The following RABGAP1L variants were observed in gnomAD, a reference collection of about 807,000 sequenced individuals.
The protein encoded by RABGAP1L is RAB GTPase activating protein 1 like.
In RABGAP1L, 63 loss-of-function variants were observed where a neutral mutation model predicts 137.7. The ratio of observed to expected loss-of-function variants is 0.46; its 90% confidence interval spans 0.37 to 0.56. The LOEUF is 0.56. Among genes scored for constraint, RABGAP1L ranks in the 20% least tolerant of loss-of-function variants. RABGAP1L has a pLI of 0.00. For synonymous variants in RABGAP1L, 431 were observed against 433.7 expected (o/e 0.99, Z 0.08); for missense variants, 1,095 against 1,244.0 (o/e 0.88, Z 1.80).
chr1:174,527,901 CTT>C (rs57707616), intron 13 of RABGAP1L, among the ~76,000 whole-genome samples: 8 of 124,826 alleles, frequency 6.4e-5, no homozygotes, highest in African/African-American at 1.3e-4. Context: ...ATATACTTGT[CTT>C]TTTTTTTTTT....
intron 13 of RABGAP1L, among the ~76,000 whole-genome samples, chr1:174,455,236 A>G (rs78671613): frequency 0.02 from 3,063 of 152,286 alleles, 110 homozygotes; most frequent in African/African-American, 0.071. Flanking sequence ...ATAATAGTAG[A>G]ATTCATGAAT....
intron 14 of RABGAP1L, among the ~76,000 whole-genome samples, chr1:174,682,346 CACA>C (rs1340021190): frequency 3.3e-5 from 5 of 150,410 alleles, no homozygotes; most frequent in Non-Finnish European, 7.4e-5. Flanking sequence ...ACACATACAT[CACA>C]ACAACTAAAT....
At chr1:174,491,201 C>G (rs562701044) in intron 13 of RABGAP1L, among the ~76,000 whole-genome samples, 115 of 152,248 alleles carry the variant, frequency 7.6e-4, no homozygotes, top group Admixed American at 1.7e-3. Context: ...GCCAACATGT[C>G]TCAGAGTCTC....
At chr1:174,651,974 C>T (rs963975401) in intron 14 of RABGAP1L, among the ~76,000 whole-genome samples, 15 of 152,070 alleles carry the variant, frequency 9.9e-5, no homozygotes, top group Admixed American at 2.6e-4. Context: ...TGGCTGGTAC[C>T]GGTTGTTCCT....
At chr1:174,217,452 T>C (rs1669425956) in intron 1 of RABGAP1L, among the ~76,000 whole-genome samples, 1 of 152,158 alleles carries the variant, frequency 6.6e-6, no homozygotes, top group African/African-American at 2.4e-5. Context: ...GGTCAGGATC[T>C]GAACTCAGGG....
chr1:174,223,326 C>A lies in RABGAP1L; in HGVS notation c.331+2162C>A, dbSNP rs182446332. Among the ~76,000 whole-genome samples the A allele has an allele frequency of 5.2e-4, 71 of 137,760 alleles. 1 individual carries two copies. The highest frequency in any genetic ancestry group is 1.8e-3 in the African/African-American group (69 of 37,738). 90.4% of individuals were successfully genotyped at this position (137,760 alleles called of 152,430 possible). ...GGCAGGGTGGTGAACACTTGAAATTCCAGCTGCTCAGGAGGCTGAGACAGA... is the reference window on the plus strand; with the variant it reads ...GGCAGGGTGGTGAACACTTGAAATTACAGCTGCTCAGGAGGCTGAGACAGA... On this transcript the variant is annotated intron_variant, in intron 3 of 25. Coordinates refer to ENST00000681986, the MANE Select transcript of RABGAP1L (RefSeq NM_001366446.1).
At chr1:174,860,152 G>C (rs1448574297) in intron 19 of RABGAP1L, among the ~76,000 whole-genome samples, 2 of 151,854 alleles carry the variant, frequency 1.3e-5, no homozygotes, top group African/African-American at 2.4e-5. Flanking sequence ...ACTAGCTTTT[G>C]CATCAAGGTT....
At chr1:174,187,103 C>A (rs1666861968) in intron 1 of RABGAP1L, among the ~76,000 whole-genome samples, 1 of 152,142 alleles carries the variant, frequency 6.6e-6, no homozygotes, top group Non-Finnish European at 1.5e-5. Context: ...ATGATAATTT[C>A]TTTAAATCCT....
chr1:174,195,616 TCTTC>T (rs1206660580), intron 1 of RABGAP1L, among the ~76,000 whole-genome samples: 1,863 of 57,288 alleles, frequency 0.033, 48 homozygotes, highest in Non-Finnish European at 0.038. Flanking sequence ...TTTCTTTCTT[TCTTC>T]CTTCCTTCCT....
chr1:174,986,446 T>C (rs1397720963), intron 24 of RABGAP1L, among the ~76,000 whole-genome samples: 1 of 152,208 alleles, frequency 6.6e-6, no homozygotes, highest in Non-Finnish European at 1.5e-5. Context: ...TCACCTTTTA[T>C]CTAGACACAC....
chr1:174,613,765 G>A (rs1174706051), intron 13 of RABGAP1L, among the ~76,000 whole-genome samples: 5 of 152,162 alleles, frequency 3.3e-5, no homozygotes, highest in Non-Finnish European at 5.9e-5. Context: ...TATATATTTA[G>A]GATAGTTAGC....
intron 10 of RABGAP1L, among the ~76,000 whole-genome samples, chr1:174,297,678 C>CT (rs1422663107): frequency 1.3e-5 from 2 of 152,130 alleles, no homozygotes; most frequent in Non-Finnish European, 2.9e-5. Flanking sequence ...AGAGACCTAT[C>CT]TAAGGGTTTC....
chr1:174,490,271 C>G (rs1014645700), intron 13 of RABGAP1L, among the ~76,000 whole-genome samples: 1 of 152,164 alleles, frequency 6.6e-6, no homozygotes, highest in Non-Finnish European at 1.5e-5. Flanking sequence ...GTGTTGTGAT[C>G]TAAGCACTGC....
chr1:174,261,804 A>G (rs1386914832), intron 7 of RABGAP1L, among the ~76,000 whole-genome samples: 3 of 152,220 alleles, frequency 2.0e-5, no homozygotes, highest in African/African-American at 7.2e-5. Flanking sequence ...AGTTGCCTAG[A>G]TGTCAGTCTG....
intron 21 of RABGAP1L, among the ~76,000 whole-genome samples, chr1:174,972,895 A>C (rs868043601): frequency 2.7e-5 from 4 of 149,014 alleles, no homozygotes; most frequent in Middle Eastern, 3.6e-3. Context: ...TGAAGGCTTT[A>C]TAATTTGGGC....
chr1:174,306,312 T>C (rs929948643), intron 11 of RABGAP1L, among the ~76,000 whole-genome samples: 3 of 152,218 alleles, frequency 2.0e-5, no homozygotes, highest in African/African-American at 7.2e-5. Context: ...ATGGTATTTC[T>C]AGTTCTAGAT....
At chr1:174,876,050 C>G (rs1467048465) in intron 19 of RABGAP1L, among the ~76,000 whole-genome samples, 1 of 152,072 alleles carries the variant, frequency 6.6e-6, no homozygotes, top group Non-Finnish European at 1.5e-5. Context: ...AATGCTATAG[C>G]AGTTGTAAAA....
intron 17 of RABGAP1L, among the ~76,000 whole-genome samples, chr1:174,741,647 C>A (rs529463442): frequency 6.6e-6 from 1 of 152,090 alleles, no homozygotes; most frequent in Non-Finnish European, 1.5e-5. Flanking sequence ...CAGGTGTGAG[C>A]CACTGTACCC....
chr1:174,449,070 C>T, intron 13 of RABGAP1L: 2 of 1,614,084 alleles, frequency 1.2e-6, no homozygotes, highest in Non-Finnish European at 1.7e-6. Context: ...TACAGCCTCT[C>T]CAACAGCGTT....
Sources: allele counts gnomAD v4.1 joint callset (sites outside exome capture counted in the v4.1 genomes callset), GRCh38; gene constraint gnomAD v4.1.1; transcripts MANE v1.5; gene names NCBI Gene and HGNC (gene_info 2026-07-23, HGNC 2026-07-21).